Variants in ZC2HC1A observed in about 807,000 individuals in gnomAD.
ZC2HC1A encodes zinc finger C2HC-type containing 1A.
Under a neutral mutation model 40.7 loss-of-function variants are expected in ZC2HC1A, and 28 were observed. The observed-to-expected ratio is 0.69, with a 90% CI of 0.51 to 0.94. The LOEUF is 0.94. Among genes scored for constraint, ZC2HC1A ranks in the 40% least tolerant of loss-of-function variants. The probability of loss-of-function intolerance (pLI) is 0.00; values close to 1 mark genes in which losing one functional copy is unlikely to be tolerated. For synonymous variants in ZC2HC1A, 129 were observed against 129.2 expected (o/e 1.00, Z 0.01); for missense variants, 389 against 386.3 (o/e 1.01, Z -0.06).
At chr8:78,716,736 G>A (rs1042776523) in intron 8 of ZC2HC1A, among the ~76,000 whole-genome samples, 1 of 152,120 alleles carries the variant, frequency 6.6e-6, no homozygotes, top group African/African-American at 2.4e-5. Flanking sequence ...TTTGTGTCCT[G>A]CCCAAATCTC....
In ZC2HC1A at chr8:78,711,370, A is replaced by ATG. The variant is rs750029900; in HGVS notation, c.705-3841_705-3840dup. ...GAGAGCCTTTATAATTTTGGTCAAA[A>ATG]TGTGTGTGTGTATATATAGGCCCCT... On this transcript the variant is annotated intron_variant, in intron 7 of 8. Coordinates refer to ENST00000263849, the MANE Select transcript of ZC2HC1A (RefSeq NM_016010.3). 4.5e-3 allele frequency among the ~76,000 whole-genome samples: 678 copies of ATG among 152,214 alleles called. 10 individuals carry two copies. The highest frequency in any genetic ancestry group is 0.039 in the South Asian group (186 of 4,826).
At position 78,686,475 on chromosome 8, in the gene ZC2HC1A, A is replaced by C; in HGVS notation, c.219A>C (p.Pro73=). 4.7e-6 allele frequency: 7 copies of C among 1,480,076 alleles called. No individual in the cohort carries two copies. Among genetic ancestry groups the C allele is most frequent in the Non-Finnish European group, 5.4e-6 (6 of 1,114,726 alleles). The allele number at this position is 1,480,076 out of a possible 1,614,324, so 91.7% of individuals were successfully genotyped here. Residue 73 remains proline, a synonymous_variant, in exon 4 of 9, where the codon CCA becomes CCC. Coordinates refer to ENST00000263849, the MANE Select transcript of ZC2HC1A (RefSeq NM_016010.3). ...TATTTATTTATTTATAGCCAGAACC[A>C]CCAAAGAAACCATCTAATTGGAGAA... ...TVKPLKPRPE[P]PKKPSNWRRK... is the part of the protein sequence containing the mutation.
Position 78,718,944 on chromosome 8 carries a change from AT to A in ZC2HC1A, c.*1454del, listed in dbSNP as rs1435590401. ...AATTGTGGCTTATAATTTATCTGAA[AT>A]TTATTAGCTTAGTTTAGTTTGGGCA... On this transcript the variant is annotated 3_prime_UTR_variant, in exon 9 of 9. Transcript: ENST00000263849. 6.6e-6 allele frequency: 1 copy of A among 151,756 alleles called. No homozygotes were observed. The highest frequency in any genetic ancestry group is 2.1e-4 in the South Asian group (1 of 4,832). The allele number at this position is 151,756 out of a possible 1,614,324, so 9.4% of individuals were successfully genotyped here.
intron 2 of ZC2HC1A, among the ~76,000 whole-genome samples, chr8:78,676,762 A>AT (rs886668332): frequency 6.6e-6 from 1 of 151,724 alleles, no homozygotes; most frequent in African/African-American, 2.4e-5. Context: ...ACATTCAATG[A>AT]TTTTTTTCTT....
At chr8:78,697,286 A>G (rs1463890275) in intron 5 of ZC2HC1A, 121 bp from the exon 6 acceptor site, 2 of 754,562 alleles carry the variant, frequency 2.7e-6, no homozygotes, top group Non-Finnish European at 4.1e-6. Flanking sequence ...TCATTTCCAC[A>G]ACTCTTTTCA....
chr8:78,678,490 A>G (rs1004325080), intron 2 of ZC2HC1A, 73 bp from the exon 3 acceptor site: 7 of 1,137,244 alleles, frequency 6.2e-6, no homozygotes, highest in African/African-American at 3.2e-5. Context: ...ACTGGTCTCA[A>G]TGTAAATAAA....
At chr8:78,681,015 G>C (rs62518977) in intron 3 of ZC2HC1A, among the ~76,000 whole-genome samples, 7,763 of 152,000 alleles carry the variant, frequency 0.051, 278 homozygotes, top group Middle Eastern at 0.075. Flanking sequence ...GAGGCCCTTA[G>C]AAAACATTAG....
intron 1 of ZC2HC1A, among the ~76,000 whole-genome samples, chr8:78,668,811 G>A (rs921249502): frequency 6.6e-6 from 1 of 152,178 alleles, no homozygotes; most frequent in African/African-American, 2.4e-5. Context: ...AGACTTGAGA[G>A]AGTTCCAATC....
intron 7 of ZC2HC1A, among the ~76,000 whole-genome samples, chr8:78,710,248 A>G (rs1810910885): frequency 6.6e-6 from 1 of 152,200 alleles, no homozygotes. Context: ...AATAGCATTC[A>G]TTAACTTTTA....
intron 7 of ZC2HC1A, chr8:78,712,043 T>G: frequency 2.3e-6 from 3 of 1,289,740 alleles, no homozygotes; most frequent in Non-Finnish European, 3.0e-6. Flanking sequence ...GTGCAAAGGT[T>G]GTATGACAGT....
At chr8:78,679,580 G>A (rs1809697598) in intron 3 of ZC2HC1A, among the ~76,000 whole-genome samples, 1 of 152,136 alleles carries the variant, frequency 6.6e-6, no homozygotes, top group Admixed American at 6.5e-5. Context: ...CCCATGGGTA[G>A]TAAGGGCCAA....
At chr8:78,669,590 G>A (rs548929802) in intron 1 of ZC2HC1A, among the ~76,000 whole-genome samples, 5 of 152,272 alleles carry the variant, frequency 3.3e-5, no homozygotes, top group African/African-American at 7.2e-5. Context: ...GGCCCAGTAG[G>A]ATGGGGATTC....
At chr8:78,670,266 G>A (rs371712407) in intron 1 of ZC2HC1A, among the ~76,000 whole-genome samples, 5 of 152,058 alleles carry the variant, frequency 3.3e-5, no homozygotes, top group South Asian at 2.1e-4. Flanking sequence ...CGCACTCGGC[G>A]GAATGGATGT....
At chr8:78,671,200 T>G (rs1809429305) in intron 1 of ZC2HC1A, among the ~76,000 whole-genome samples, 1 of 152,204 alleles carries the variant, frequency 6.6e-6, no homozygotes, top group South Asian at 2.1e-4. Flanking sequence ...TCTCATCACT[T>G]ATAGTGTTAG....
chr8:78,678,436 T>C lies in ZC2HC1A; in HGVS notation c.94-127T>C, dbSNP rs1809655295. The C allele has an allele frequency of 4.4e-6, 3 of 675,888 alleles. No individual in the cohort carries two copies. The South Asian group carries it at 6.6e-5, about 15-fold the overall frequency. The allele number at this position is 675,888 out of a possible 1,614,324, so 41.9% of individuals were successfully genotyped here. A position where few individuals can be genotyped will look rare whatever the true frequency, so the allele number is the denominator to read the frequency against. On this transcript the variant is annotated intron_variant, in intron 2 of 8. Transcript: ENST00000263849. ...TAAGGCAAGGTGTATCTTATTTATTTATTATTTTGTATTCAGGTTTTTCAT... is the reference window on the plus strand; with the variant it reads ...TAAGGCAAGGTGTATCTTATTTATTCATTATTTTGTATTCAGGTTTTTCAT...
At chr8:78,677,394 C>A (rs1809614752) in intron 2 of ZC2HC1A, among the ~76,000 whole-genome samples, 1 of 151,874 alleles carries the variant, frequency 6.6e-6, no homozygotes, top group South Asian at 2.1e-4. Context: ...ACTAGATAAG[C>A]TCAAGAAAAA....
chr8:78,709,752 A>G (rs1235534554), intron 7 of ZC2HC1A, among the ~76,000 whole-genome samples: 2 of 152,132 alleles, frequency 1.3e-5, no homozygotes. Flanking sequence ...TAATGTTTTA[A>G]GAAAGTTTAC....
chr8:78,669,881 T>G (rs1426708079), intron 1 of ZC2HC1A, among the ~76,000 whole-genome samples: 1 of 152,028 alleles, frequency 6.6e-6, no homozygotes, highest in Non-Finnish European at 1.5e-5. Context: ...TACTCCTACC[T>G]CCTAGAACAG....
rs530831668 is a variant in ZC2HC1A at position 78,698,238 on chromosome 8, G to C, written c.605-176G>C. Reference sequence around the variant, plus strand: ...TTATAAGAGGGACATTTAGAAACTAGAAATGAAGGATGCTATATGTCGTCC... The same window carrying C: ...TTATAAGAGGGACATTTAGAAACTACAAATGAAGGATGCTATATGTCGTCC... On this transcript the variant is annotated intron_variant, in intron 6 of 8. Transcript: ENST00000263849. Among the ~76,000 whole-genome samples the C allele has an allele frequency of 2.6e-5, 4 of 152,246 alleles. No individual in the cohort carries two copies. In the East Asian group the frequency reaches 7.7e-4, roughly 29 times the overall value.
Sources: gnomAD v4.1 joint callset for allele counts (sites outside exome capture counted in the v4.1 genomes callset) on GRCh38, gnomAD v4.1.1 for gene constraint, MANE v1.5 for transcripts, NCBI Gene and HGNC (gene_info 2026-07-23, HGNC 2026-07-21) for gene names.